ELP4: variants seen among roughly 807,000 people sequenced by gnomAD.
ELP4 encodes the protein elongator complex protein 4.
A neutral mutation model predicts 48.9 loss-of-function variants in ELP4; 51 were observed. That is an observed-to-expected ratio of 1.04 (90% CI 0.83 to 1.32). The LOEUF is 1.32. ELP4 is among the 40% of genes most tolerant of loss of function. ELP4 has a pLI of 0.00. For synonymous variants in ELP4, 210 were observed against 189.2 expected (o/e 1.11, Z -0.90); for missense variants, 519 against 514.6 (o/e 1.01, Z -0.08).
chr11:31,531,669 C>G (rs1477291567), intron 2 of ELP4, among the ~76,000 whole-genome samples: 4 of 152,082 alleles, frequency 2.6e-5, no homozygotes, highest in African/African-American at 9.7e-5. Context: ...GGAAAGAAGG[C>G]AATACAACAT....
chr11:31,565,960 G>A (rs1032455859), intron 3 of ELP4, among the ~76,000 whole-genome samples: 1 of 152,116 alleles, frequency 6.6e-6, no homozygotes. Flanking sequence ...AAATTACCTT[G>A]AGCATTATGG....
intron 3 of ELP4, among the ~76,000 whole-genome samples, chr11:31,573,866 A>G (rs1957225442): frequency 6.8e-6 from 1 of 147,340 alleles, no homozygotes; most frequent in Admixed American, 6.7e-5. Context: ...GGACACAAAC[A>G]TTGACTATCT....
At chr11:31,604,386 C>G (rs1028146180) in intron 5 of ELP4, among the ~76,000 whole-genome samples, 20 of 151,636 alleles carry the variant, frequency 1.3e-4, no homozygotes, top group Admixed American at 4.6e-4. Context: ...CTTTCTATTT[C>G]TGGCTCTGCT....
chr11:31,737,573 C>T (rs1947347582), intron 9 of ELP4, among the ~76,000 whole-genome samples: 1 of 152,038 alleles, frequency 6.6e-6, no homozygotes, highest in Non-Finnish European at 1.5e-5. Context: ...ATCTGTAAAC[C>T]ATATATCTGT....
At chr11:31,525,555 T>C (rs1313030413) in intron 2 of ELP4, among the ~76,000 whole-genome samples, 1 of 152,166 alleles carries the variant, frequency 6.6e-6, no homozygotes, top group Non-Finnish European at 1.5e-5. Flanking sequence ...CAATAGAGGA[T>C]ATCAACAGAG....
At chr11:31,627,342 A>G in intron 6 of ELP4, 148 bp downstream of exon 6, 1 of 530,348 alleles carries the variant, frequency 1.9e-6, no homozygotes, top group South Asian at 3.6e-5. Flanking sequence ...TAAGCAGAGC[A>G]CAAGCAGCCT....
chr11:31,714,865 C>G (rs987497240), intron 9 of ELP4: 2 of 398,244 alleles, frequency 5.0e-6, no homozygotes, highest in Non-Finnish European at 8.9e-6. Flanking sequence ...ACATTGGACC[C>G]ACTTAAATAA....
chr11:31,570,436 T>A (rs1262785863), intron 3 of ELP4, among the ~76,000 whole-genome samples: 1 of 151,598 alleles, frequency 6.6e-6, no homozygotes, highest in African/African-American at 2.4e-5. Context: ...GTTTCAATTG[T>A]ACTTCAGACC....
chr11:31,751,180 G>C (rs953592906), intron 9 of ELP4, among the ~76,000 whole-genome samples: 6 of 152,172 alleles, frequency 3.9e-5, no homozygotes, highest in African/African-American at 1.4e-4. Context: ...TTTCTAACAA[G>C]TTCACTGGTA....
At chr11:31,748,686 G>A (rs934239026) in intron 9 of ELP4, among the ~76,000 whole-genome samples, 2 of 152,026 alleles carry the variant, frequency 1.3e-5, no homozygotes. Context: ...TAATATGACA[G>A]AAAAGGCTAG....
rs1195665032 is a variant in ELP4 at position 31,763,562 on chromosome 11, C to T, written c.1144-19831C>T. The T allele has an allele frequency of 6.4e-6, 10 of 1,569,258 alleles. No homozygotes were observed. The African/African-American group carries it at 1.4e-4, about 22-fold the overall frequency. On this transcript the variant is annotated intron_variant, in intron 9 of 9. Coordinates refer to ENST00000640961, the MANE Select transcript of ELP4 (RefSeq NM_019040.5). ...TTCCTTGCAAAGGGTATGGGCTTTC[C>T]CTTTTTTCAGCTAAAGCTTCTACTG...
chr11:31,737,914 T>G (rs1434432835), intron 9 of ELP4, among the ~76,000 whole-genome samples: 1 of 152,168 alleles, frequency 6.6e-6, no homozygotes, highest in Non-Finnish European at 1.5e-5. Flanking sequence ...AATTTACATA[T>G]GATGCAGCAA....
intron 9 of ELP4, among the ~76,000 whole-genome samples, chr11:31,672,251 T>A (rs1043791320): frequency 1.3e-5 from 2 of 152,222 alleles, no homozygotes; most frequent in African/African-American, 4.8e-5. Flanking sequence ...ATTATTATTA[T>A]ATGATTCAAT....
Position 31,548,167 on chromosome 11 carries a change from A to T in ELP4, c.381+8384A>T, listed in dbSNP as rs183229328. 3.8e-3 allele frequency among the ~76,000 whole-genome samples: 579 copies of T among 152,326 alleles called. 5 individuals carry two copies. The highest frequency in any genetic ancestry group is 0.013 in the African/African-American group (522 of 41,576). On this transcript the variant is annotated intron_variant, in intron 3 of 9. Transcript: ENST00000640961. ...TTAGGCAGGAGAAGGAAATAAGGGT[A>T]TTCAATTAGGAAAAGAGGAAGTCAA...
chr11:31,550,491 A>G (rs1956830462), intron 3 of ELP4, among the ~76,000 whole-genome samples: 7 of 152,208 alleles, frequency 4.6e-5, no homozygotes. Flanking sequence ...GATACCAGCC[A>G]TTCAGTCCAT....
chr11:31,582,159 C>T (rs1957403314), intron 3 of ELP4, among the ~76,000 whole-genome samples: 2 of 152,090 alleles, frequency 1.3e-5, no homozygotes, highest in Non-Finnish European at 2.9e-5. Flanking sequence ...AATTACTTTG[C>T]GACCTTGGAC....
intron 5 of ELP4, among the ~76,000 whole-genome samples, chr11:31,618,081 A>T (rs1031611735): frequency 6.6e-6 from 1 of 152,082 alleles, no homozygotes; most frequent in Non-Finnish European, 1.5e-5. Flanking sequence ...AACAACCCAG[A>T]TGTCCCTCAA....
At chr11:31,559,792 A>G (rs1382721501) in intron 3 of ELP4, among the ~76,000 whole-genome samples, 1 of 151,558 alleles carries the variant, frequency 6.6e-6, no homozygotes, top group Non-Finnish European at 1.5e-5. Flanking sequence ...AATCCCAGCT[A>G]CTCGGGTGGC....
At chr11:31,709,769 G>A (rs767338257) in intron 9 of ELP4, among the ~76,000 whole-genome samples, 6 of 152,128 alleles carry the variant, frequency 3.9e-5, no homozygotes, top group Non-Finnish European at 5.9e-5. Context: ...AATACTCAAT[G>A]TATGTTAGCC....
Sources: gnomAD v4.1 joint callset for allele counts (sites outside exome capture counted in the v4.1 genomes callset) on GRCh38, gnomAD v4.1.1 for gene constraint, MANE v1.5 for transcripts, NCBI Gene and HGNC (gene_info 2026-07-23, HGNC 2026-07-21) for gene names.